The following TET3 variants were observed in gnomAD, a reference collection of about 807,000 sequenced individuals.
The protein encoded by TET3 is tet methylcytosine dioxygenase 3, also known as methylcytosine dioxygenase TET3.
TET3 carries 19 observed loss-of-function variants against 141.4 expected under a neutral mutation model. That is an observed-to-expected ratio of 0.13 (90% CI 0.09 to 0.20). The LOEUF (loss-of-function observed/expected upper bound fraction) is 0.20, where lower values mean the gene tolerates loss of function less well. Ranked by LOEUF, TET3 falls within the 10% of genes least tolerant of loss-of-function variation. The pLI is 1.00. For synonymous variants in TET3, 1,043 were observed against 980.9 expected (o/e 1.06, Z -1.18); for missense variants, 1,874 against 2,356.9 (o/e 0.80, Z 4.24).
chr2:74,023,654 C>A (rs6546887), intron 3 of TET3, among the ~76,000 whole-genome samples: 6 of 152,054 alleles, frequency 3.9e-5, no homozygotes, highest in Non-Finnish European at 7.4e-5. Flanking sequence ...TGGTGACTTC[C>A]AGACAGTGGC....
intron 4 of TET3, among the ~76,000 whole-genome samples, chr2:74,062,881 C>CTTTTT (rs10649388): frequency 2.4e-4 from 29 of 121,428 alleles, no homozygotes; most frequent in African/African-American, 8.2e-4. Flanking sequence ...TCAGGTGAAA[C>CTTTTT]TTTTTTTTTT....
downstream of TET3, among the ~76,000 whole-genome samples, chr2:74,112,319 A>G (rs1204656829): frequency 6.6e-6 from 1 of 152,110 alleles, no homozygotes; most frequent in East Asian, 1.9e-4. Flanking sequence ...TCTGATGGTA[A>G]TGCCAGTAAT....
chr2:73,992,292 C>CT (rs1007494034), intron 2 of TET3, among the ~76,000 whole-genome samples: 2 of 109,826 alleles, frequency 1.8e-5, no homozygotes, highest in Non-Finnish European at 3.5e-5. Context: ...AAATCACAAT[C>CT]TTTTTTTCTT....
At chr2:74,010,245 G>A (rs986888750) in intron 3 of TET3, among the ~76,000 whole-genome samples, 2 of 152,184 alleles carry the variant, frequency 1.3e-5, no homozygotes, top group African/African-American at 2.4e-5. Context: ...TGTCCAACCC[G>A]GGAAGCCTGG....
the TET3 span, among the ~76,000 whole-genome samples, chr2:74,127,829 A>G: frequency 2.0e-5 from 3 of 152,310 alleles, no homozygotes; most frequent in East Asian, 5.8e-4. Flanking sequence ...AGCAGCGACA[A>G]CAAACAGATG....
intron 3 of TET3, among the ~76,000 whole-genome samples, chr2:74,028,888 A>G (rs35609589): frequency 0.27 from 41,821 of 152,184 alleles, 6,175 homozygotes; most frequent in African/African-American, 0.35. Context: ...ACCTTGTCAC[A>G]GACTAATGGA....
chr2:74,004,169 G>T (rs980617080), intron 3 of TET3, among the ~76,000 whole-genome samples: 2 of 152,134 alleles, frequency 1.3e-5, no homozygotes, highest in Admixed American at 1.3e-4. Flanking sequence ...ACTCTTCCTA[G>T]CGGAGAGGAA....
chr2:74,058,431 G>T (rs1270818544), intron 4 of TET3, among the ~76,000 whole-genome samples: 1 of 151,798 alleles, frequency 6.6e-6, no homozygotes, highest in Non-Finnish European at 1.5e-5. Flanking sequence ...GGTGTTATAA[G>T]TTATCATGTC....
chr2:74,022,094 C>CCTTTTTTTTTTTTTTTTTTTT, intron 3 of TET3, among the ~76,000 whole-genome samples: 1 of 82,768 alleles, frequency 1.2e-5, no homozygotes, highest in African/African-American at 5.1e-5. Flanking sequence ...TTCTAGGACA[C>CCTTTTTTTTTTTTTTTTTTTT]TTTTTTTTTT....
At chr2:74,024,037 A>G (rs1222375850) in intron 3 of TET3, among the ~76,000 whole-genome samples, 1 of 152,206 alleles carries the variant, frequency 6.6e-6, no homozygotes, top group East Asian at 1.9e-4. Flanking sequence ...CTCATTTAGT[A>G]AAACTATTTA....
At chr2:74,113,379 C>G in the TET3 span, among the ~76,000 whole-genome samples, 2 of 151,806 alleles carry the variant, frequency 1.3e-5, no homozygotes, top group Admixed American at 1.3e-4. Flanking sequence ...GTGTGAGACT[C>G]CGTCAAAAAA....
chr2:74,004,699 C>G (rs557636875), intron 3 of TET3, among the ~76,000 whole-genome samples: 2 of 152,084 alleles, frequency 1.3e-5, no homozygotes, highest in Non-Finnish European at 2.9e-5. Flanking sequence ...GCAGTTGATA[C>G]GGGCGATACT....
the TET3 span, among the ~76,000 whole-genome samples, chr2:74,133,215 G>A: frequency 1.3e-5 from 2 of 151,866 alleles, no homozygotes; most frequent in Admixed American, 6.6e-5. Flanking sequence ...TGCCCAGCCC[G>A]AAGTTTGGCT....
intron 7 of TET3, among the ~76,000 whole-genome samples, chr2:74,089,080 CAAAAAAAA>C (rs34315040): frequency 1.8e-4 from 11 of 60,572 alleles, no homozygotes; most frequent in African/African-American, 6.8e-4. Flanking sequence ...GATTCCGTCT[CAAAAAAAA>C]AAAAAAAAAA....
intron 1 of TET3, among the ~76,000 whole-genome samples, chr2:73,985,525 G>T (rs1342964377): frequency 6.8e-6 from 1 of 146,444 alleles, no homozygotes; most frequent in Non-Finnish European, 1.5e-5. Flanking sequence ...CGGCGGGCGC[G>T]GCGGGCGCGG....
chr2:74,040,522 T>C (rs1687286780), intron 3 of TET3, among the ~76,000 whole-genome samples: 1 of 151,486 alleles, frequency 6.6e-6, no homozygotes, highest in Non-Finnish European at 1.5e-5. Flanking sequence ...GGAGGGAGAG[T>C]TCAGTTCTGT....
intron 6 of TET3, among the ~76,000 whole-genome samples, chr2:74,081,296 TGAG>T (rs932111791): frequency 6.6e-6 from 1 of 152,228 alleles, no homozygotes; most frequent in African/African-American, 2.4e-5. Context: ...GAAGAAGTGC[TGAG>T]GAGGAGCAGC....
the TET3 span, among the ~76,000 whole-genome samples, chr2:74,126,433 T>C: frequency 6.6e-6 from 1 of 152,166 alleles, no homozygotes; most frequent in Non-Finnish European, 1.5e-5. Flanking sequence ...ACATAGGCAT[T>C]GATCTTAGAT....
chr2:74,024,957 C>T (rs1490307665), intron 3 of TET3, among the ~76,000 whole-genome samples: 2 of 152,044 alleles, frequency 1.3e-5, no homozygotes, highest in East Asian at 2.0e-4. Flanking sequence ...GTGGTGGTGG[C>T]TCACGCCTGT....
Sources: allele counts gnomAD v4.1 joint callset (sites outside exome capture counted in the v4.1 genomes callset), GRCh38; gene constraint gnomAD v4.1.1; transcripts MANE v1.5; gene names NCBI Gene and HGNC (gene_info 2026-07-23, HGNC 2026-07-21).